Variants in CAPN13 observed in about 807,000 individuals in gnomAD.
CAPN13 encodes the protein calpain 13, also known as calpain-13.
In CAPN13, 90 loss-of-function variants were observed where a neutral mutation model predicts 98.4. That is an observed-to-expected ratio of 0.92 (90% CI 0.77 to 1.09). The LOEUF (loss-of-function observed/expected upper bound fraction) is 1.09. Among genes scored for constraint, CAPN13 ranks in the 50% least tolerant of loss-of-function variants. The probability of loss-of-function intolerance (pLI) is 0.00; values close to 1 mark genes in which losing one functional copy is unlikely to be tolerated. For synonymous variants in CAPN13, 330 were observed against 305.5 expected, an observed-to-expected ratio of 1.08 and a Z score of -0.84; for missense variants, 887 against 841.3, an observed-to-expected ratio of 1.05 and a Z score of -0.67.
intron 1 of CAPN13, among the ~76,000 whole-genome samples, chr2:30,788,218 C>G (rs905111673): frequency 6.6e-6 from 1 of 152,210 alleles, no homozygotes; most frequent in Non-Finnish European, 1.5e-5. Flanking sequence ...GCCTGTGAAC[C>G]TATTTCTCCA....
At chr2:30,759,585 A>G (rs1250476174) in intron 7 of CAPN13, among the ~76,000 whole-genome samples, 1 of 152,214 alleles carries the variant, frequency 6.6e-6, no homozygotes, top group Non-Finnish European at 1.5e-5. Flanking sequence ...AGAATAGACT[A>G]TCGCTGTGTG....
At chr2:30,754,591 A>T (rs973039968) in intron 8 of CAPN13, among the ~76,000 whole-genome samples, 12 of 152,138 alleles carry the variant, frequency 7.9e-5, no homozygotes, top group African/African-American at 2.7e-4. Context: ...TTTATGCTGT[A>T]GTTCACCCCA....
intron 22 of CAPN13, among the ~76,000 whole-genome samples, chr2:30,726,986 A>G (rs1572772281): frequency 6.6e-6 from 1 of 152,346 alleles, no homozygotes; most frequent in Middle Eastern, 3.4e-3. Flanking sequence ...TGATACTGGC[A>G]TAAGATACAC....
intron 4 of CAPN13, among the ~76,000 whole-genome samples, chr2:30,774,158 T>C (rs1055587452): frequency 6.6e-6 from 1 of 152,034 alleles, no homozygotes; most frequent in African/African-American, 2.4e-5. Context: ...AAAGTAAGAC[T>C]TTTTATATCA....
intron 22 of CAPN13, chr2:30,729,614 C>T (rs949379259): frequency 4.6e-5 from 7 of 152,108 alleles, no homozygotes; most frequent in Non-Finnish European, 1.0e-4. Context: ...AAGGAGAACT[C>T]AAGGAAATAT....
chr2:30,748,540 A>AGT (rs147438671), intron 11 of CAPN13, among the ~76,000 whole-genome samples: 92 of 151,230 alleles, frequency 6.1e-4, no homozygotes, highest in African/African-American at 1.8e-3. Context: ...TGAGTGACTG[A>AGT]GTGTGTGTGT....
At chr2:30,775,600 A>G (rs1166641280) in intron 4 of CAPN13, among the ~76,000 whole-genome samples, 1 of 152,220 alleles carries the variant, frequency 6.6e-6, no homozygotes, top group East Asian at 1.9e-4. Context: ...ACCACTTCCT[A>G]TAAAGCTACT....
intron 8 of CAPN13, among the ~76,000 whole-genome samples, chr2:30,754,847 T>A (rs994510093): frequency 1.3e-5 from 2 of 152,182 alleles, no homozygotes; most frequent in African/African-American, 4.8e-5. Context: ...CCTCTGGATA[T>A]CCACCTGGTC....
chr2:30,739,403 C>A (rs371633958), intron 15 of CAPN13, among the ~76,000 whole-genome samples: 1 of 152,042 alleles, frequency 6.6e-6, no homozygotes, highest in Non-Finnish European at 1.5e-5. Flanking sequence ...GGCCTTACCA[C>A]CTTGAACTGG....
In CAPN13 at chr2:30,770,307, A is replaced by G; in HGVS notation, c.524+6T>C. Reference sequence around the variant, plus strand: ...CTGGGCTGATGGGTGGCGGGGTTGTACTTACTTGGCATAGGCCTTCTCCAG... The same window carrying G: ...CTGGGCTGATGGGTGGCGGGGTTGTGCTTACTTGGCATAGGCCTTCTCCAG... On this transcript the variant is annotated splice_donor_region_variant and intron_variant, in intron 5 of 22. Coordinates refer to ENST00000295055, the MANE Select transcript of CAPN13 (RefSeq NM_144575.3). 6.2e-7 allele frequency: 1 copy of G among 1,613,456 alleles called. No homozygotes were observed. Among genetic ancestry groups the G allele is most frequent in the Non-Finnish European group, 8.5e-7 (1 of 1,179,572 alleles).
At chr2:30,723,829 C>T (rs1670771274) in intron 22 of CAPN13, among the ~76,000 whole-genome samples, 1 of 152,186 alleles carries the variant, frequency 6.6e-6, no homozygotes, top group Admixed American at 6.5e-5. Context: ...TCTTGTCTCT[C>T]AGACTACTTG....
At chr2:30,785,268 T>C (rs10495779) in intron 2 of CAPN13, among the ~76,000 whole-genome samples, 1 of 152,284 alleles carries the variant, frequency 6.6e-6, no homozygotes, top group Admixed American at 6.5e-5. Context: ...TCATGTCACC[T>C]TGGCATATCA....
At chr2:30,741,860 C>A in intron 15 of CAPN13, 48 bp downstream of exon 15, 3 of 1,613,454 alleles carry the variant, frequency 1.9e-6, no homozygotes, top group Admixed American at 1.7e-5. Context: ...TCCCTCAGGT[C>A]CCCTTTCTCC....
At chr2:30,781,306 T>A (rs1673972646) in intron 2 of CAPN13, among the ~76,000 whole-genome samples, 1 of 152,334 alleles carries the variant, frequency 6.6e-6, no homozygotes, top group East Asian at 1.9e-4. Flanking sequence ...TGTTTTCAGA[T>A]CCTGTGAGAT....
intron 5 of CAPN13, among the ~76,000 whole-genome samples, chr2:30,765,440 G>A (rs1673064087): frequency 6.6e-6 from 1 of 152,192 alleles, no homozygotes; most frequent in African/African-American, 2.4e-5. Context: ...CCTTCACAGG[G>A]TAGAAGGCAG....
In CAPN13 at chr2:30,722,937, C is replaced by T. The variant is rs909344444; in HGVS notation, c.*330G>A. On this transcript the variant is annotated 3_prime_UTR_variant, in exon 23 of 23. Coordinates refer to ENST00000295055, the MANE Select transcript of CAPN13 (RefSeq NM_144575.3). ...ATTCTGGCTCTTCCAAGAAATGAAT[C>T]CAACTGGTGACAGGGGACTCAGAGA... 6.6e-6 allele frequency: 1 copy of T among 152,268 alleles called. No homozygotes were observed. The highest frequency in any genetic ancestry group is 2.4e-5 in the African/African-American group (1 of 41,468). 9.4% of individuals were successfully genotyped at this position (152,268 alleles called of 1,614,324 possible). A position where few individuals can be genotyped will look rare whatever the true frequency, so the allele number is the denominator to read the frequency against.
chr2:30,734,987 G>C (rs1339075933), intron 18 of CAPN13, among the ~76,000 whole-genome samples: 1 of 152,214 alleles, frequency 6.6e-6, no homozygotes, highest in East Asian at 1.9e-4. Context: ...TCACAGGTTT[G>C]TTGCAGGGAG....
intron 1 of CAPN13, among the ~76,000 whole-genome samples, chr2:30,787,897 C>T (rs537610102): frequency 6.6e-6 from 1 of 152,154 alleles, no homozygotes; most frequent in South Asian, 2.1e-4. Context: ...CAGATCTGTA[C>T]ATAGAATGGG....
intron 18 of CAPN13, among the ~76,000 whole-genome samples, 154 bp downstream of exon 18, chr2:30,736,349 T>C (rs1671363675): frequency 6.6e-6 from 1 of 152,196 alleles, no homozygotes; most frequent in Non-Finnish European, 1.5e-5. Flanking sequence ...AGTTGCACTA[T>C]GTCTCCCCAA....
Sources: allele counts gnomAD v4.1 joint callset (sites outside exome capture counted in the v4.1 genomes callset), GRCh38; gene constraint gnomAD v4.1.1; transcripts MANE v1.5; gene names NCBI Gene and HGNC (gene_info 2026-07-23, HGNC 2026-07-21).